Variants in ADGRD1 observed in about 807,000 individuals in gnomAD.
ADGRD1 encodes the protein adhesion G protein-coupled receptor D1, also known as G-protein coupled receptor 133.
A neutral mutation model predicts 113.4 loss-of-function variants in ADGRD1; 77 were observed. That is an observed-to-expected ratio of 0.68 (90% CI 0.57 to 0.82). The LOEUF (loss-of-function observed/expected upper bound fraction) is 0.82, where lower values mean the gene tolerates loss of function less well. ADGRD1 is among the 40% of genes least tolerant of loss of function. The pLI, the probability that ADGRD1 is intolerant of heterozygous loss-of-function variation, is 0.00. For missense variants in ADGRD1, 1,036 were observed against 1,139.1 expected (o/e 0.91, Z 1.30); for synonymous variants, 474 against 475.0 (o/e 1.00, Z 0.03).
intron 13 of ADGRD1, among the ~76,000 whole-genome samples, chr12:131,068,546 T>A (rs10744490): frequency 0.87 from 132,828 of 152,110 alleles, 58,556 homozygotes; most frequent in East Asian, 1. Context: ...GATTTTGACA[T>A]GATTCCACAT....
At chr12:131,123,062 T>TG (rs1566130363) in intron 20 of ADGRD1, among the ~76,000 whole-genome samples, 1 of 135,280 alleles carries the variant, frequency 7.4e-6, no homozygotes, top group Non-Finnish European at 1.6e-5. Flanking sequence ...TTTTTTTTTT[T>TG]TTTTTTTTTT....
intron 9 of ADGRD1, chr12:131,002,745 C>T: frequency 8.0e-7 from 1 of 1,256,614 alleles, no homozygotes. Flanking sequence ...TCGGAAGCAG[C>T]CACCCTTCAT....
intron 2 of ADGRD1, among the ~76,000 whole-genome samples, chr12:130,958,709 C>T (rs557688367): frequency 6.6e-5 from 10 of 152,326 alleles, no homozygotes; most frequent in African/African-American, 1.4e-4. Flanking sequence ...GCGCTCATGA[C>T]GGGCACGGGC....
intron 13 of ADGRD1, among the ~76,000 whole-genome samples, chr12:131,029,018 A>G (rs1195891): frequency 0.57 from 86,126 of 152,120 alleles, 24,761 homozygotes; most frequent in East Asian, 0.71. Context: ...ACTCTGATGC[A>G]CAGGAAGTCA....
At chr12:130,981,511 A>G in intron 4 of ADGRD1, 7 of 160,544 alleles carry the variant, frequency 4.4e-5, no homozygotes, top group South Asian at 3.9e-4. Flanking sequence ...GTAGGTCTTC[A>G]CATTTGCATG....
At chr12:131,074,651 C>T (rs1307836126) in intron 13 of ADGRD1, among the ~76,000 whole-genome samples, 2 of 152,342 alleles carry the variant, frequency 1.3e-5, no homozygotes, top group Non-Finnish European at 2.9e-5. Context: ...CCCTGGGAGC[C>T]CGGGAGGCCC....
At chr12:130,994,187 C>T (rs1179813580) in intron 8 of ADGRD1, 3 of 406,346 alleles carry the variant, frequency 7.4e-6, no homozygotes, top group East Asian at 7.5e-5. Flanking sequence ...GTGGAAAGAG[C>T]GGGTATAGAC....
chr12:131,110,501 C>T (rs1362069226), intron 18 of ADGRD1, among the ~76,000 whole-genome samples: 1 of 152,086 alleles, frequency 6.6e-6, no homozygotes, highest in Non-Finnish European at 1.5e-5. Context: ...CCTTTGTTCT[C>T]TGATTATTGC....
intron 13 of ADGRD1, among the ~76,000 whole-genome samples, chr12:131,047,784 T>G (rs888216067): frequency 1.3e-5 from 2 of 152,180 alleles, no homozygotes; most frequent in African/African-American, 4.8e-5. Context: ...GAGGCTTGGC[T>G]CAGCGTAAAG....
intron 8 of ADGRD1, among the ~76,000 whole-genome samples, chr12:130,999,579 G>A (rs959499450): frequency 6.6e-6 from 1 of 152,194 alleles, no homozygotes; most frequent in Non-Finnish European, 1.5e-5. Context: ...GGAGAGTTCG[G>A]TCAGCCTCTA....
chr12:131,132,689 A>G (rs2136100785), intron 21 of ADGRD1, among the ~76,000 whole-genome samples: 1 of 152,326 alleles, frequency 6.6e-6, no homozygotes. Flanking sequence ...ATGGGGACTC[A>G]GGCTGGACCT....
intron 7 of ADGRD1, 26 bp downstream of exon 7, chr12:130,991,104 C>A: frequency 6.2e-7 from 1 of 1,600,318 alleles, no homozygotes; most frequent in Non-Finnish European, 8.6e-7. Context: ...TTCCTTGGTC[C>A]CCCTTGCTGA....
chr12:130,980,059 G>C (rs1032804326), intron 4 of ADGRD1, among the ~76,000 whole-genome samples: 3 of 151,186 alleles, frequency 2.0e-5, no homozygotes, highest in African/African-American at 7.3e-5. Context: ...GCAGAACAGC[G>C]GTCGGGGTGG....
At chr12:131,134,956 A>T (rs1288374511) in intron 21 of ADGRD1, among the ~76,000 whole-genome samples, 2 of 152,244 alleles carry the variant, frequency 1.3e-5, no homozygotes, top group Non-Finnish European at 2.9e-5. Context: ...GGCCTGAGTG[A>T]TGAGGGGTAA....
At chr12:131,046,180 A>C (rs2694372) in intron 13 of ADGRD1, among the ~76,000 whole-genome samples, 1 of 11,686 alleles carries the variant, frequency 8.6e-5, no homozygotes, top group Non-Finnish European at 2.5e-4. Flanking sequence ...TTCCTGGTCA[A>C]TGCTCCCTCC....
At position 131,003,125 on chromosome 12, in the gene ADGRD1, C is replaced by T. The variant is rs950490648; in HGVS notation, c.1027-60C>T. ...TGATTTTGTGTGCCTGGTGCACCTG[C>T]CTGGTGCCCTGGCTGAGTGGGGTGG... On this transcript the variant is annotated intron_variant, in intron 9 of 24. Coordinates refer to ENST00000261654, the MANE Select transcript of ADGRD1 (RefSeq NM_198827.5). The surrounding 1 kb of genome is among the most constrained non-coding windows in gnomAD (Gnocchi z 4.8). 9 of 1,330,804 alleles carry T rather than the reference C, an allele frequency of 6.8e-6. No homozygotes were observed. Among genetic ancestry groups the T allele is most frequent in the Middle Eastern group, 1.8e-4 (1 of 5,562 alleles). 82.4% of individuals were successfully genotyped at this position (1,330,804 alleles called of 1,614,324 possible).
chr12:131,077,125 G>C (rs1885684926), intron 14 of ADGRD1, among the ~76,000 whole-genome samples: 1 of 152,192 alleles, frequency 6.6e-6, no homozygotes, highest in African/African-American at 2.4e-5. Flanking sequence ...TGAATGCCCA[G>C]GGCAACTTTC....
At chr12:131,031,902 C>T (rs980447763) in intron 13 of ADGRD1, among the ~76,000 whole-genome samples, 12 of 152,208 alleles carry the variant, frequency 7.9e-5, no homozygotes, top group African/African-American at 2.9e-4. Flanking sequence ...ACCTGCCTTC[C>T]CTGTGGGAAG....
In ADGRD1 at chr12:131,048,937, G is replaced by A. The variant is rs557939567; in HGVS notation, c.1474-27864G>A. 2.6e-5 allele frequency among the ~76,000 whole-genome samples: 4 copies of A among 152,298 alleles called. No individual in the cohort carries two copies. The South Asian group carries it at 8.3e-4, about 32-fold the overall frequency. On this transcript the variant is annotated intron_variant, in intron 13 of 24. Transcript: ENST00000261654. ...AGGGCAAGAGGAGGGGTCTGAGAAG[G>A]AAGAAAGAAAGGAAGCACAAGGAGA...
Sources: allele counts gnomAD v4.1 joint callset (sites outside exome capture counted in the v4.1 genomes callset), GRCh38; gene constraint gnomAD v4.1.1; non-coding constraint Gnocchi (gnomAD v3.1); transcripts MANE v1.5; gene names NCBI Gene and HGNC (gene_info 2026-07-23, HGNC 2026-07-21).